The following ELAVL1 variants were observed in gnomAD, a reference collection of about 807,000 sequenced individuals.
The protein encoded by ELAVL1 is ELAV-like protein 1.
ELAVL1 carries 1 observed loss-of-function variant against 28.4 expected under a neutral mutation model. That is an observed-to-expected ratio of 0.04 (90% CI 0.01 to 0.17). The LOEUF is 0.17. Ranked by LOEUF, ELAVL1 falls within the 10% of genes least tolerant of loss-of-function variation. The pLI, the probability that ELAVL1 is intolerant of heterozygous loss-of-function variation, is 1.00. For synonymous variants in ELAVL1, 174 were observed against 183.5 expected (o/e 0.95, Z 0.42); for missense variants, 157 against 447.2 (o/e 0.35, Z 5.85).
rs764445720 is a variant in ELAVL1 at position 7,981,238 on chromosome 19, G to A, written c.173-52C>T. The A allele has an allele frequency of 1.1e-5, 17 of 1,583,910 alleles. No individual in the cohort carries two copies. In the East Asian group the frequency reaches 3.6e-4, roughly 33 times the overall value. On this transcript the variant is annotated intron_variant, in intron 2 of 5. Coordinates refer to ENST00000407627, the MANE Select transcript of ELAVL1 (RefSeq NM_001419.3). The surrounding 1 kb of genome is among the most constrained non-coding windows in gnomAD (Gnocchi z 4.2). ...GTAAGCCAACCGTCTGCGAGTGAGG[G>A]ACAGGGAGGTCGGGAAGCACTATAT...
chr19:7,970,235 A>C (rs918383616), intron 4 of ELAVL1, among the ~76,000 whole-genome samples: 2 of 152,092 alleles, frequency 1.3e-5, no homozygotes, highest in Non-Finnish European at 2.9e-5. Context: ...GGCTCACTGC[A>C]ACCTCCGCCT....
chr19:7,986,873 C>T (rs535791185), intron 2 of ELAVL1, among the ~76,000 whole-genome samples: 3 of 152,184 alleles, frequency 2.0e-5, no homozygotes, highest in African/African-American at 4.8e-5. Flanking sequence ...GCCATGAATA[C>T]GTAAAGAAAA....
In ELAVL1 at chr19:7,982,257, C is replaced by T. The variant is rs577049466; in HGVS notation, c.173-1071G>A. ...GGAAGTGAGGAGGCACAGGGAAGAG[C>T]GCAATCCCCGTCTCCCGCAGCTTAT... On this transcript the variant is annotated intron_variant, in intron 2 of 5. Coordinates refer to ENST00000407627, the MANE Select transcript of ELAVL1 (RefSeq NM_001419.3). This position sits in a 1 kb window ranked among gnomAD's most constrained non-coding sequence, Gnocchi z 4.3. Among the ~76,000 whole-genome samples, 27 of 152,306 alleles carry T rather than the reference C, an allele frequency of 1.8e-4. No homozygotes were observed. The South Asian group carries it at 5.2e-3, about 29-fold the overall frequency.
At chr19:7,995,716 A>T (rs1214592986) in intron 1 of ELAVL1, among the ~76,000 whole-genome samples, 7 of 152,008 alleles carry the variant, frequency 4.6e-5, no homozygotes, top group African/African-American at 1.7e-4. Context: ...AATTTCTTGG[A>T]GAAAAATCTT....
intron 2 of ELAVL1, among the ~76,000 whole-genome samples, chr19:7,986,978 T>C (rs1321367188): frequency 1.3e-5 from 2 of 152,084 alleles, no homozygotes; most frequent in Non-Finnish European, 2.9e-5. Flanking sequence ...CTTAAGTTTT[T>C]TTTTCTGTGA....
At chr19:7,986,616 C>G (rs543221162) in intron 2 of ELAVL1, among the ~76,000 whole-genome samples, 1 of 152,210 alleles carries the variant, frequency 6.6e-6, no homozygotes, top group Non-Finnish European at 1.5e-5. Flanking sequence ...GGTGCGCTCT[C>G]CCATCTGCCG....
intron 2 of ELAVL1, among the ~76,000 whole-genome samples, chr19:7,989,654 T>C (rs1985700929): frequency 6.6e-6 from 1 of 152,240 alleles, no homozygotes; most frequent in African/African-American, 2.4e-5. Flanking sequence ...GAATTGTTAG[T>C]GGCACAGGAG....
At chr19:7,980,371 C>T (rs1297385732) in intron 3 of ELAVL1, among the ~76,000 whole-genome samples, 3 of 152,226 alleles carry the variant, frequency 2.0e-5, no homozygotes, top group Middle Eastern at 6.8e-3. Context: ...GAGCTGCCCA[C>T]GAACCCAGGA....
At chr19:7,974,132 A>T (rs961864539) in intron 3 of ELAVL1, among the ~76,000 whole-genome samples, 3 of 152,198 alleles carry the variant, frequency 2.0e-5, no homozygotes, top group Non-Finnish European at 4.4e-5. Flanking sequence ...CGTGACTCCT[A>T]TGTCACAAAG....
chr19:7,993,607 G>A (rs562813754), intron 1 of ELAVL1, among the ~76,000 whole-genome samples: 14 of 152,186 alleles, frequency 9.2e-5, no homozygotes, highest in African/African-American at 2.2e-4. Context: ...CAAGTATGCC[G>A]AGCCCGCCCT....
rs1417780516 is a variant in ELAVL1 at position 7,963,541 on chromosome 19, T to C, written c.923A>G (p.Tyr308Cys). ...AAMAIASLNG[Y>C]RLGDKILQVS... is the part of the protein sequence containing the mutation. ...CTGTAAGATTTTGTCCCCCAGGCGG[T>C]AGCCGTTCAGGCTGGCTATGGCCAT... The change falls in exon 6 of 6, where the codon TAC (tyrosine) becomes TGC (cysteine). Residue 308 changes from tyrosine to cysteine, a missense_variant. By Grantham distance (194) the Tyr-to-Cys change is radical (BLOSUM62 -2). Coordinates refer to ENST00000407627, the MANE Select transcript of ELAVL1 (RefSeq NM_001419.3). The surrounding 1 kb of genome is among the most constrained non-coding windows in gnomAD (Gnocchi z 4.5). The C allele has an allele frequency of 6.2e-7, 1 of 1,613,934 alleles. No individual in the cohort carries two copies. The highest frequency in any genetic ancestry group is 8.5e-7 in the Non-Finnish European group (1 of 1,179,844).
At chr19:7,964,881 C>T (rs548878379) in intron 5 of ELAVL1, among the ~76,000 whole-genome samples, 35 of 152,170 alleles carry the variant, frequency 2.3e-4, no homozygotes, top group African/African-American at 7.2e-4. Flanking sequence ...TTTGTGAAGC[C>T]GGCATCTGTG....
intron 1 of ELAVL1, among the ~76,000 whole-genome samples, chr19:7,993,717 A>G (rs1985811810): frequency 6.6e-6 from 1 of 151,942 alleles, no homozygotes; most frequent in Non-Finnish European, 1.5e-5. Context: ...ACCCGCCTGG[A>G]GGTCTCGGTG....
At position 7,959,125 on chromosome 19, in the gene ELAVL1, G is replaced by GA. The variant is rs1256627384; in HGVS notation, c.*4357dup. 2.0e-5 allele frequency: 3 copies of GA among 147,580 alleles called. No homozygotes were observed. The highest frequency in any genetic ancestry group is 4.5e-5 in the Non-Finnish European group (3 of 66,916). 9.1% of individuals were successfully genotyped at this position (147,580 alleles called of 1,614,324 possible). ...TAAGGGCTTTTCTTTTTTTTTTTCT[G>GA]AAAATAATTTAAAAAGCTTAAAAGT... is the stretch of plus-strand genomic sequence containing the variant. On this transcript the variant is annotated 3_prime_UTR_variant, in exon 6 of 6. Coordinates refer to ENST00000407627, the MANE Select transcript of ELAVL1 (RefSeq NM_001419.3).
intron 1 of ELAVL1, among the ~76,000 whole-genome samples, chr19:7,992,652 C>T (rs1179375586): frequency 6.6e-6 from 1 of 152,016 alleles, no homozygotes; most frequent in Non-Finnish European, 1.5e-5. Context: ...AACTATTTTG[C>T]ATGATATATA....
At chr19:7,967,097 A>G (rs1432047038) in intron 5 of ELAVL1, among the ~76,000 whole-genome samples, 1 of 150,216 alleles carries the variant, frequency 6.7e-6, no homozygotes, top group East Asian at 2.0e-4. Flanking sequence ...GTGCAGTGGT[A>G]TGATCACAAC....
In ELAVL1 at chr19:7,978,470, G is replaced by A. The variant is rs74440079; in HGVS notation, c.276+2613C>T. ...CATTCGTAATGAGCCCAGTAAACAC[G>A]GCAGACACCAAAGCTCCACGGAGCC... On this transcript the variant is annotated intron_variant, in intron 3 of 5. Transcript: ENST00000407627. Among the ~76,000 whole-genome samples, 93 of 152,220 alleles carry A rather than the reference G, an allele frequency of 6.1e-4. 1 individual carries two copies. The highest frequency in any genetic ancestry group is 6.8e-3 in the Middle Eastern group (2 of 294).
rs531687312 is a variant in ELAVL1 at position 7,979,449 on chromosome 19, T to C, written c.276+1634A>G. 2.4e-3 allele frequency among the ~76,000 whole-genome samples: 359 copies of C among 152,362 alleles called. 1 individual carries two copies. Among genetic ancestry groups the C allele is most frequent in the African/African-American group, 6.7e-3 (279 of 41,584 alleles). On this transcript the variant is annotated intron_variant, in intron 3 of 5. Coordinates refer to ENST00000407627, the MANE Select transcript of ELAVL1 (RefSeq NM_001419.3). This position sits in a 1 kb window ranked among gnomAD's most constrained non-coding sequence, Gnocchi z 5.4. ...ACACTGGGCACCCGGCTCCTGCATC[T>C]GAGTAAACGGAACAGCTGTGCAGGA...
intron 5 of ELAVL1, among the ~76,000 whole-genome samples, chr19:7,964,769 T>C (rs1009464272): frequency 1.3e-5 from 2 of 152,230 alleles, no homozygotes; most frequent in African/African-American, 4.8e-5. Flanking sequence ...GATTAAGGTA[T>C]ATGACAAAAC....
Sources: gnomAD v4.1 joint callset for allele counts (sites outside exome capture counted in the v4.1 genomes callset) on GRCh38, gnomAD v4.1.1 for gene constraint, Gnocchi (gnomAD v3.1) non-coding constraint, MANE v1.5 for transcripts, NCBI Gene and HGNC (gene_info 2026-07-23, HGNC 2026-07-21) for gene names.